ADAMTSL1: variants seen among roughly 807,000 people sequenced by gnomAD.
The protein encoded by ADAMTSL1 is ADAMTS like 1.
Under a neutral mutation model 201.8 loss-of-function variants are expected in ADAMTSL1, and 126 were observed. The observed-to-expected ratio is 0.62, with a 90% confidence interval of 0.54 to 0.72. The LOEUF is 0.72. Ranked by LOEUF, ADAMTSL1 falls within the 30% of genes least tolerant of loss-of-function variation. ADAMTSL1 has a pLI of 0.00. For missense variants in ADAMTSL1, 2,679 were observed against 2,277.8 expected (o/e 1.18, Z -3.59); for synonymous variants, 1,121 against 903.4 (o/e 1.24, Z -4.32).
intron 1 of ADAMTSL1, among the ~76,000 whole-genome samples, chr9:18,075,022 G>A (rs1823152576): frequency 1.3e-5 from 2 of 151,780 alleles, no homozygotes; most frequent in African/African-American, 4.8e-5. Context: ...CTTCTTTCCT[G>A]CCTTCCTGCT....
intron 23 of ADAMTSL1, among the ~76,000 whole-genome samples, chr9:18,845,485 G>T (rs1826047106): frequency 6.6e-6 from 1 of 152,222 alleles, no homozygotes; most frequent in Non-Finnish European, 1.5e-5. Context: ...AGGGCCACAG[G>T]CCCATCATAG....
chr9:18,290,550 C>T (rs1339417760), intron 2 of ADAMTSL1, among the ~76,000 whole-genome samples: 1 of 151,896 alleles, frequency 6.6e-6, no homozygotes, highest in Non-Finnish European at 1.5e-5. Flanking sequence ...TAAAATGGCT[C>T]TCTCACATGG....
At chr9:18,549,830 A>G (rs1820689986) in intron 3 of ADAMTSL1, among the ~76,000 whole-genome samples, 2 of 151,958 alleles carry the variant, frequency 1.3e-5, no homozygotes, top group South Asian at 4.1e-4. Context: ...TTGCTTCTCA[A>G]AAAGTAATCT....
chr9:18,161,225 T>C (rs957325970), intron 1 of ADAMTSL1, among the ~76,000 whole-genome samples: 4 of 152,040 alleles, frequency 2.6e-5, no homozygotes, highest in Admixed American at 6.6e-5. Context: ...TTAGTGAGTG[T>C]TCAGCCTTTA....
Position 18,621,117 on chromosome 9 carries a change from A to T in ADAMTSL1, c.475-1126A>T, listed in dbSNP as rs1341921318. ...AGTCCCTTCAGTTGTCACTACCATTATTTTATTTTGTCAAAGAGAGTAATT... is the reference window on the plus strand; with the variant it reads ...AGTCCCTTCAGTTGTCACTACCATTTTTTTATTTTGTCAAAGAGAGTAATT... On this transcript the variant is annotated intron_variant, in intron 4 of 28. Transcript: ENST00000380548. Among the ~76,000 whole-genome samples the T allele has an allele frequency of 2.0e-5, 3 of 152,264 alleles. No homozygotes were observed. In the South Asian group the frequency reaches 6.2e-4, roughly 32 times the overall value.
intron 2 of ADAMTSL1, among the ~76,000 whole-genome samples, chr9:18,323,207 T>A (rs868464513): frequency 6.6e-6 from 1 of 152,230 alleles, no homozygotes; most frequent in Middle Eastern, 3.4e-3. Flanking sequence ...GCCCAATTAA[T>A]CCTAGGAATG....
chr9:18,906,319 C>T (rs973649568), intron 27 of ADAMTSL1, among the ~76,000 whole-genome samples: 1 of 152,108 alleles, frequency 6.6e-6, no homozygotes, highest in African/African-American at 2.4e-5. Flanking sequence ...CATTCCTATC[C>T]AGTCCCCATC....
chr9:18,645,961 T>A (rs1445059466), intron 7 of ADAMTSL1, among the ~76,000 whole-genome samples: 1 of 151,526 alleles, frequency 6.6e-6, no homozygotes, highest in Non-Finnish European at 1.5e-5. Flanking sequence ...TGGCATTGAA[T>A]CTGTAAATTA....
chr9:18,639,365 A>T lies in ADAMTSL1; in HGVS notation c.788A>T (p.Glu263Val). The change falls in exon 7 of 29, where the codon GAG becomes GTG. Residue 263 changes from glutamate (E) to valine (V), a missense_variant. Transcript: ENST00000380548. Reference sequence around the variant, plus strand: ...GACTTCCAGAAATTTCCAGACAAAGAGATACTGAGAATGGCTGGACCACTC... The same window carrying T: ...GACTTCCAGAAATTTCCAGACAAAGTGATACTGAGAATGGCTGGACCACTC... ...SVDFQKFPDK[E>V]ILRMAGPLTA... 1 of 1,612,996 alleles carries T rather than the reference A, an allele frequency of 6.2e-7. No homozygotes were observed. The highest frequency in any genetic ancestry group is 8.5e-7 in the Non-Finnish European group (1 of 1,179,264).
intron 1 of ADAMTSL1, among the ~76,000 whole-genome samples, chr9:17,926,048 C>G (rs1588426536): frequency 6.6e-6 from 1 of 152,036 alleles, no homozygotes; most frequent in East Asian, 1.9e-4. Flanking sequence ...ACAAACCAGC[C>G]AAACAAAATA....
At chr9:17,987,432 TTGAACACTACCACACATATC>T in intron 1 of ADAMTSL1, among the ~76,000 whole-genome samples, 1 of 152,138 alleles carries the variant, frequency 6.6e-6, no homozygotes, top group Non-Finnish European at 1.5e-5. Context: ...ATTGCATTGG[TTGAACACTACCACACATATC>T]TGACCCATAT....
chr9:18,620,016 T>TTA (rs367587226), intron 4 of ADAMTSL1, among the ~76,000 whole-genome samples: 10,687 of 63,900 alleles, frequency 0.17, 336 homozygotes, highest in South Asian at 0.24. Context: ...AGTTTTCTGA[T>TTA]TTTTTTTTTT....
intron 2 of ADAMTSL1, among the ~76,000 whole-genome samples, chr9:18,328,212 A>T (rs1204731516): frequency 2.0e-5 from 3 of 152,210 alleles, no homozygotes; most frequent in Non-Finnish European, 4.4e-5. Flanking sequence ...GTTACTTTTC[A>T]CTGCTGTGGA....
intron 2 of ADAMTSL1, among the ~76,000 whole-genome samples, chr9:18,509,873 AT>A (rs1332281053): frequency 1.3e-5 from 2 of 152,318 alleles, no homozygotes; most frequent in East Asian, 3.9e-4. Flanking sequence ...TTTCTTACTC[AT>A]TTGTAATGGG....
intron 2 of ADAMTSL1, among the ~76,000 whole-genome samples, chr9:18,412,330 T>A (rs890735492): frequency 6.6e-6 from 1 of 152,192 alleles, no homozygotes; most frequent in Admixed American, 6.5e-5. Context: ...ACAGGTGGGA[T>A]CAGCCATTGT....
intron 1 of ADAMTSL1, among the ~76,000 whole-genome samples, chr9:17,985,923 C>G (rs1300106895): frequency 6.6e-6 from 1 of 152,102 alleles, no homozygotes; most frequent in African/African-American, 2.4e-5. Flanking sequence ...AGCCAGAATC[C>G]TGGCCCAGGA....
chr9:18,651,895 A>T (rs1828289220), intron 7 of ADAMTSL1, among the ~76,000 whole-genome samples: 1 of 144,142 alleles, frequency 6.9e-6, no homozygotes, highest in Non-Finnish European at 1.6e-5. Flanking sequence ...ATGGGAATTT[A>T]TTAAGTTTAT....
chr9:18,005,674 C>T (rs1819786819), intron 1 of ADAMTSL1, among the ~76,000 whole-genome samples: 1 of 152,062 alleles, frequency 6.6e-6, no homozygotes, highest in Non-Finnish European at 1.5e-5. Context: ...TGAAGCATCA[C>T]ATCTGGTAGA....
intron 13 of ADAMTSL1, among the ~76,000 whole-genome samples, chr9:18,694,949 C>T (rs943975540): frequency 6.6e-6 from 1 of 152,260 alleles, no homozygotes; most frequent in African/African-American, 2.4e-5. Context: ...CAAGCTTCAA[C>T]TCCTGCCCTC....
Sources: gnomAD v4.1 joint callset for allele counts (sites outside exome capture counted in the v4.1 genomes callset) on GRCh38, gnomAD v4.1.1 for gene constraint, MANE v1.5 for transcripts, NCBI Gene and HGNC (gene_info 2026-07-23, HGNC 2026-07-21) for gene names.